Variants in CHN2 observed in about 807,000 individuals in gnomAD.
CHN2 encodes the protein chimerin 2, also known as beta-chimaerin.
A neutral mutation model predicts 56.3 loss-of-function variants in CHN2; 35 were observed. That is an observed-to-expected ratio of 0.62 (90% CI 0.47 to 0.82). The LOEUF (loss-of-function observed/expected upper bound fraction) is 0.82. CHN2 is among the 40% of genes least tolerant of loss of function. The pLI is 0.00. For missense variants in CHN2, 491 were observed against 580.5 expected (o/e 0.85, Z 1.58); for synonymous variants, 210 against 212.8 (o/e 0.99, Z 0.12).
At chr7:29,197,157 C>G (rs191584565) in intron 1 of CHN2, among the ~76,000 whole-genome samples, 4 of 152,312 alleles carry the variant, frequency 2.6e-5, no homozygotes, top group African/African-American at 9.6e-5. Context: ...CAGCTGGGCT[C>G]TCTCAGGGGA....
intron 1 of CHN2, among the ~76,000 whole-genome samples, chr7:29,309,205 T>C (rs1794401473): frequency 6.6e-6 from 1 of 152,204 alleles, no homozygotes; most frequent in African/African-American, 2.4e-5. Flanking sequence ...TTTTTAGAAA[T>C]AAAGGACTTT....
chr7:29,418,730 G>A (rs1014806530), intron 6 of CHN2, among the ~76,000 whole-genome samples: 9 of 152,130 alleles, frequency 5.9e-5, no homozygotes, highest in Admixed American at 1.3e-4. Context: ...ACCAGGACTC[G>A]TGGTCTCCTC....
At chr7:29,272,574 G>T (rs995527761) in intron 1 of CHN2, among the ~76,000 whole-genome samples, 1 of 152,128 alleles carries the variant, frequency 6.6e-6, no homozygotes, top group Non-Finnish European at 1.5e-5. Flanking sequence ...AGGAAGGAAG[G>T]CTTCCACTGG....
chr7:29,457,836 T>C (rs1237103526), intron 6 of CHN2, among the ~76,000 whole-genome samples: 2 of 152,148 alleles, frequency 1.3e-5, no homozygotes, highest in Non-Finnish European at 2.9e-5. Flanking sequence ...TGCCCTGACG[T>C]TGATGAATTG....
At chr7:29,238,625 G>C (rs1787395573) in intron 1 of CHN2, among the ~76,000 whole-genome samples, 1 of 152,084 alleles carries the variant, frequency 6.6e-6, no homozygotes, top group Admixed American at 6.5e-5. Context: ...AACAAAAATA[G>C]GTACAATTTA....
Position 29,155,802 on chromosome 7 carries a change from A to AT in CHN2, c.274+8852dup, listed in dbSNP as rs1165223298. Among the ~76,000 whole-genome samples the AT allele has an allele frequency of 2.1e-4, 31 of 150,464 alleles. No individual in the cohort carries two copies. In the South Asian group the frequency reaches 2.5e-3, roughly 12 times the overall value. On this transcript the variant is annotated intron_variant, in intron 2 of 6. Transcript: ENST00000439384. ...TTGACAAATCTCATCCTTGTGATGG[A>AT]TTTTTTTTTTCTAGGCCTCAGGACA... is the stretch of plus-strand genomic sequence containing the variant.
chr7:29,218,624 T>TA (rs1295654444), intron 1 of CHN2, among the ~76,000 whole-genome samples: 1 of 151,886 alleles, frequency 6.6e-6, no homozygotes, highest in Non-Finnish European at 1.5e-5. Context: ...TATGCAGCCA[T>TA]AAAAAATGAT....
At chr7:29,168,548 A>G (rs2128721439) in intron 2 of CHN2, among the ~76,000 whole-genome samples, 1 of 152,238 alleles carries the variant, frequency 6.6e-6, no homozygotes, top group African/African-American at 2.4e-5. Context: ...CAGACATCCT[A>G]TAGTTTCATC....
chr7:29,183,339 C>T (rs1404179656), intron 2 of CHN2, among the ~76,000 whole-genome samples: 1 of 151,522 alleles, frequency 6.6e-6, no homozygotes, highest in Non-Finnish European at 1.5e-5. Flanking sequence ...CTGCCTTGGC[C>T]TCCCAAAGTG....
chr7:29,347,967 G>T (rs1797589801), intron 1 of CHN2, among the ~76,000 whole-genome samples: 2 of 152,296 alleles, frequency 1.3e-5, no homozygotes, highest in African/African-American at 4.8e-5. Context: ...ACAAAATCTG[G>T]AAGGATTCAC....
At chr7:29,265,277 T>A (rs1790046025) in intron 1 of CHN2, among the ~76,000 whole-genome samples, 1 of 152,194 alleles carries the variant, frequency 6.6e-6, no homozygotes, top group South Asian at 2.1e-4. Flanking sequence ...CTCAGCACGC[T>A]CTTGGTTTCC....
At chr7:29,236,293 A>C (rs182034953) in intron 1 of CHN2, among the ~76,000 whole-genome samples, 33 of 152,360 alleles carry the variant, frequency 2.2e-4, no homozygotes, top group Admixed American at 2.2e-3. Context: ...GGATTTCTCC[A>C]ATAGTGGATC....
chr7:29,504,797 G>A lies in CHN2; in HGVS notation c.967G>A (p.Asp323Asn), dbSNP rs1264879283. The A allele has an allele frequency of 6.2e-6, 10 of 1,612,966 alleles. No individual in the cohort carries two copies. The highest frequency in any genetic ancestry group is 8.5e-6 in the Non-Finnish European group (10 of 1,179,570). The change falls in exon 10 of 13, where the codon GAT becomes AAT. Residue 323 changes from aspartate (D) to asparagine (N), a missense_variant. Coordinates refer to ENST00000222792, the MANE Select transcript of CHN2 (RefSeq NM_004067.4). ...RVSGFTEHIE[D>N]VKMAFDRDGE... Reference sequence around the variant, plus strand: ...CTCTGGGTTCACTGAACACATTGAAGATGTCAAAATGGCATTTGACAGAGG... The same window carrying A: ...CTCTGGGTTCACTGAACACATTGAAAATGTCAAAATGGCATTTGACAGAGG...
At chr7:29,488,708 G>T (rs891505398) in intron 7 of CHN2, among the ~76,000 whole-genome samples, 1 of 151,956 alleles carries the variant, frequency 6.6e-6, no homozygotes, top group African/African-American at 2.4e-5. Context: ...TGACCCCTGG[G>T]GGACATTTGT....
At chr7:29,165,714 TTTC>T (rs1200800881) in intron 2 of CHN2, among the ~76,000 whole-genome samples, 1 of 152,190 alleles carries the variant, frequency 6.6e-6, no homozygotes, top group Non-Finnish European at 1.5e-5. Flanking sequence ...GTGGTTGAAT[TTTC>T]TTCTTTTCTT....
upstream of CHN2, among the ~76,000 whole-genome samples, chr7:29,190,290 A>T (rs1031631495): frequency 6.6e-6 from 1 of 152,240 alleles, no homozygotes; most frequent in Non-Finnish European, 1.5e-5. Context: ...ATTTAAAGCT[A>T]GTTGACGAAT....
At chr7:29,340,390 G>T (rs1796946484) in intron 1 of CHN2, among the ~76,000 whole-genome samples, 1 of 141,472 alleles carries the variant, frequency 7.1e-6, no homozygotes, top group Admixed American at 7.1e-5. Flanking sequence ...CCTTCTGCAG[G>T]GGGTTGCTTG....
intron 1 of CHN2, among the ~76,000 whole-genome samples, chr7:29,351,600 T>A (rs1047777764): frequency 6.6e-6 from 1 of 152,208 alleles, no homozygotes; most frequent in Non-Finnish European, 1.5e-5. Flanking sequence ...CTGAGCCCTA[T>A]GCGATGGAGC....
intron 1 of CHN2, among the ~76,000 whole-genome samples, chr7:29,267,819 T>A (rs775609846): frequency 4.6e-5 from 7 of 152,188 alleles, no homozygotes; most frequent in Non-Finnish European, 7.3e-5. Context: ...TCTGTGTACA[T>A]GAGCTAGGAT....
Sources: allele counts gnomAD v4.1 joint callset (sites outside exome capture counted in the v4.1 genomes callset), GRCh38; gene constraint gnomAD v4.1.1; transcripts MANE v1.5; gene names NCBI Gene and HGNC (gene_info 2026-07-23, HGNC 2026-07-21).